The following PEX14 variants were observed in gnomAD, a reference collection of about 807,000 sequenced individuals.
The protein encoded by PEX14 is peroxisomal biogenesis factor 14, also known as peroxisomal membrane protein PEX14.
Under a neutral mutation model 49.5 loss-of-function variants are expected in PEX14, and 15 were observed. The ratio of observed to expected loss-of-function variants is 0.30; its 90% CI spans 0.20 to 0.47. The LOEUF (loss-of-function observed/expected upper bound fraction) is 0.47. PEX14 is among the 20% of genes least tolerant of loss of function. The pLI is 1.00. For missense variants in PEX14, 398 were observed against 494.8 expected (o/e 0.80, Z 1.86); for synonymous variants, 210 against 212.7 (o/e 0.99, Z 0.11).
chr1:10,592,861 G>A (rs1361205793), intron 3 of PEX14, among the ~76,000 whole-genome samples: 1 of 152,222 alleles, frequency 6.6e-6, no homozygotes, highest in African/African-American at 2.4e-5. Flanking sequence ...CTCACTGGTA[G>A]TGGCTTCTGG....
At chr1:10,619,512 T>C (rs534276055) in intron 5 of PEX14, among the ~76,000 whole-genome samples, 1 of 152,056 alleles carries the variant, frequency 6.6e-6, no homozygotes, top group Admixed American at 6.5e-5. Flanking sequence ...AGATGGGGTT[T>C]CACTGTTGGC....
chr1:10,537,196 C>T (rs936724408), intron 3 of PEX14, among the ~76,000 whole-genome samples: 3 of 152,034 alleles, frequency 2.0e-5, no homozygotes, highest in East Asian at 3.9e-4. Context: ...GATCATGTCC[C>T]GGGGCTGCAC....
intron 1 of PEX14, among the ~76,000 whole-genome samples, chr1:10,482,256 G>A (rs1641294120): frequency 6.6e-6 from 1 of 152,002 alleles, no homozygotes. Flanking sequence ...AGCCTCCTGA[G>A]TAACTGGGAT....
Position 10,597,606 on chromosome 1 carries a change from G to A in PEX14, c.170-1632G>A, listed in dbSNP as rs1008504715. On this transcript the variant is annotated intron_variant, in intron 3 of 8. Transcript: ENST00000356607. This position sits in a 1 kb window ranked among gnomAD's most constrained non-coding sequence, Gnocchi z 5.7. ...GTCTTTGGAAGGTGGTACGTGATGCGCTGTGAACCCTGGAAGCATTTTCAT... is the reference window on the plus strand; with the variant it reads ...GTCTTTGGAAGGTGGTACGTGATGCACTGTGAACCCTGGAAGCATTTTCAT... Among the ~76,000 whole-genome samples the A allele has an allele frequency of 2.6e-5, 4 of 152,170 alleles. No homozygotes were observed. The highest frequency in any genetic ancestry group is 4.4e-5 in the Non-Finnish European group (3 of 68,032).
At chr1:10,517,841 T>A (rs1312293131) in intron 2 of PEX14, among the ~76,000 whole-genome samples, 1 of 152,058 alleles carries the variant, frequency 6.6e-6, no homozygotes, top group Non-Finnish European at 1.5e-5. Flanking sequence ...ATTCAGTATT[T>A]GAAAAAAATT....
chr1:10,620,767 C>G (rs1322895618), intron 5 of PEX14, among the ~76,000 whole-genome samples: 1 of 152,206 alleles, frequency 6.6e-6, no homozygotes, highest in African/African-American at 2.4e-5. Flanking sequence ...CCACTGCACT[C>G]CAGCGTGGGT....
intron 3 of PEX14, among the ~76,000 whole-genome samples, chr1:10,590,144 G>A (rs74052149): frequency 0.073 from 11,036 of 152,202 alleles, 517 homozygotes; most frequent in Middle Eastern, 0.14. Context: ...CCCTGTAAAT[G>A]GGGAGAATCA....
chr1:10,538,832 G>A (rs1044993996), intron 3 of PEX14, among the ~76,000 whole-genome samples: 5 of 152,238 alleles, frequency 3.3e-5, no homozygotes, highest in African/African-American at 1.2e-4. Flanking sequence ...CAGAAGCCTT[G>A]CAGTGCTGGG....
chr1:10,504,339 C>G (rs896426796), intron 2 of PEX14, among the ~76,000 whole-genome samples: 2 of 152,194 alleles, frequency 1.3e-5, no homozygotes, highest in African/African-American at 4.8e-5. Flanking sequence ...CTGAGTGATT[C>G]TTGAAGTAAA....
At chr1:10,606,281 C>T (rs1641123000) in intron 4 of PEX14, among the ~76,000 whole-genome samples, 1 of 152,230 alleles carries the variant, frequency 6.6e-6, no homozygotes, top group African/African-American at 2.4e-5. Flanking sequence ...TGCTTCAGCT[C>T]CAACTATCCC....
intron 2 of PEX14, among the ~76,000 whole-genome samples, chr1:10,515,880 A>G (rs1641961071): frequency 6.6e-6 from 1 of 152,126 alleles, no homozygotes; most frequent in Non-Finnish European, 1.5e-5. Flanking sequence ...GACTGGATCT[A>G]ATGGGAGAGC....
intron 3 of PEX14, among the ~76,000 whole-genome samples, chr1:10,592,963 C>CT (rs1640714937): frequency 6.6e-6 from 1 of 152,194 alleles, no homozygotes; most frequent in Non-Finnish European, 1.5e-5. Context: ...CTCTTTGCCT[C>CT]TTCTGTTGAC....
intron 1 of PEX14, among the ~76,000 whole-genome samples, chr1:10,486,881 G>T (rs930378612): frequency 2.0e-5 from 3 of 151,914 alleles, no homozygotes; most frequent in Non-Finnish European, 4.4e-5. Context: ...TAGAGATGGG[G>T]TTTCACCATC....
chr1:10,601,497 G>C (rs908161172), intron 4 of PEX14, among the ~76,000 whole-genome samples: 1 of 152,132 alleles, frequency 6.6e-6, no homozygotes, highest in Non-Finnish European at 1.5e-5. Flanking sequence ...GTTGGAATCT[G>C]CTGTCTGTGT....
At chr1:10,505,460 CT>C (rs890287157) in intron 2 of PEX14, among the ~76,000 whole-genome samples, 47 of 152,188 alleles carry the variant, frequency 3.1e-4, no homozygotes, top group African/African-American at 5.8e-4. Flanking sequence ...AAAACACAAT[CT>C]TTTTTCCCCC....
intron 3 of PEX14, 34 bp from the exon 4 acceptor site, chr1:10,599,204 G>C: frequency 6.2e-7 from 1 of 1,612,052 alleles, no homozygotes; most frequent in Non-Finnish European, 8.5e-7. Context: ...CTGACAAAAG[G>C]TACTCACCTG....
chr1:10,610,482 G>A lies in PEX14; in HGVS notation c.299-7850G>A, dbSNP rs114571057. On this transcript the variant is annotated intron_variant, in intron 4 of 8. Transcript: ENST00000356607. ...CAGAGATCAGTGGGCTTTCTTTTTC[G>A]TTTTTCTTTTTTTTTTGAGATGGAG... Among the ~76,000 whole-genome samples, 718 of 148,406 alleles carry A rather than the reference G, an allele frequency of 4.8e-3. 5 individuals carry two copies. The highest frequency in any genetic ancestry group is 0.015 in the African/African-American group (601 of 40,432).
At chr1:10,607,171 C>T (rs1044296744) in intron 4 of PEX14, among the ~76,000 whole-genome samples, 27 of 151,424 alleles carry the variant, frequency 1.8e-4, no homozygotes, top group Admixed American at 1.4e-3. Flanking sequence ...TTTTTCTTTC[C>T]GCTCAGCGTA....
chr1:10,558,404 C>G (rs1034334359), intron 3 of PEX14, among the ~76,000 whole-genome samples: 1 of 152,032 alleles, frequency 6.6e-6, no homozygotes, highest in Non-Finnish European at 1.5e-5. Context: ...AAAGAAGATC[C>G]CTTTGAAATT....
Sources: allele counts gnomAD v4.1 joint callset (sites outside exome capture counted in the v4.1 genomes callset), GRCh38; gene constraint gnomAD v4.1.1; non-coding constraint Gnocchi (gnomAD v3.1); transcripts MANE v1.5; gene names NCBI Gene and HGNC (gene_info 2026-07-23, HGNC 2026-07-21).